ZNF385D: variants seen among roughly 807,000 people sequenced by gnomAD.
The protein encoded by ZNF385D is zinc finger protein 385D, also known as zinc finger protein 659.
Under a neutral mutation model 35.8 loss-of-function variants are expected in ZNF385D, and 15 were observed. The observed-to-expected ratio is 0.42, with a 90% confidence interval of 0.28 to 0.64. The LOEUF is 0.64. ZNF385D is among the 30% of genes least tolerant of loss of function. ZNF385D has a pLI of 0.23. For synonymous variants in ZNF385D, 212 were observed against 186.8 expected, an observed-to-expected ratio of 1.13 and a Z score of -1.10; for missense variants, 474 against 494.6, an observed-to-expected ratio of 0.96 and a Z score of 0.39.
At chr3:22,308,327 T>A (rs1703347927) in intron 2 of ZNF385D, among the ~76,000 whole-genome samples, 1 of 152,092 alleles carries the variant, frequency 6.6e-6, no homozygotes, top group South Asian at 2.1e-4. Flanking sequence ...AATTTCTTAA[T>A]ATAAATTTCA....
chr3:21,752,599 G>A (rs1224881929), upstream of ZNF385D, among the ~76,000 whole-genome samples: 1 of 151,902 alleles, frequency 6.6e-6, no homozygotes, highest in Non-Finnish European at 1.5e-5. Flanking sequence ...CCTCTCTCAC[G>A]CTAGATTATA....
At chr3:21,928,180 C>G (rs1165672936) in intron 3 of ZNF385D, among the ~76,000 whole-genome samples, 1 of 151,566 alleles carries the variant, frequency 6.6e-6, no homozygotes, top group Non-Finnish European at 1.5e-5. Flanking sequence ...GACTGCACTA[C>G]AGCCTAGGTG....
At chr3:22,274,946 A>G (rs1212601209) in intron 2 of ZNF385D, among the ~76,000 whole-genome samples, 1 of 152,074 alleles carries the variant, frequency 6.6e-6, no homozygotes, top group African/African-American at 2.4e-5. Flanking sequence ...GCATATCTGA[A>G]TTTGATTGGG....
intron 2 of ZNF385D, among the ~76,000 whole-genome samples, chr3:21,611,296 T>C (rs2064669946): frequency 6.6e-6 from 1 of 152,140 alleles, no homozygotes; most frequent in Non-Finnish European, 1.5e-5. Flanking sequence ...ATTTCCCATT[T>C]TGCAGATGAG....
chr3:21,892,433 A>G (rs996182485), intron 3 of ZNF385D, among the ~76,000 whole-genome samples: 7 of 152,162 alleles, frequency 4.6e-5, no homozygotes, highest in African/African-American at 1.7e-4. Flanking sequence ...GTGTGCTCTT[A>G]CCCTTAACTC....
At chr3:21,815,431 C>T (rs1386804425) in intron 3 of ZNF385D, among the ~76,000 whole-genome samples, 1 of 152,000 alleles carries the variant, frequency 6.6e-6, no homozygotes, top group Non-Finnish European at 1.5e-5. Context: ...AGTGATAGAC[C>T]ACTAGCAAGA....
rs972758490 is a variant in ZNF385D at position 22,166,793 on chromosome 3, TG to T, written c.325+2023del. Among the ~76,000 whole-genome samples, 136 of 152,366 alleles carry T rather than the reference TG, an allele frequency of 8.9e-4. 1 individual carries two copies. The highest frequency in any genetic ancestry group is 3.1e-3 in the African/African-American group (129 of 41,596). On this transcript the variant is annotated intron_variant, in intron 3 of 5. Coordinates refer to the ZNF385D transcript ENST00000494108. ...CAAGATGTATCTTTTGTTCTAGTTT[TG>T]TTCTATAATGTTGTTTATTACTTCT...
At chr3:22,293,258 G>A (rs988619627) in intron 2 of ZNF385D, among the ~76,000 whole-genome samples, 1 of 152,060 alleles carries the variant, frequency 6.6e-6, no homozygotes, top group African/African-American at 2.4e-5. Flanking sequence ...GCAACCAGGA[G>A]TCAGAAATAT....
intron 3 of ZNF385D, among the ~76,000 whole-genome samples, chr3:21,559,133 G>T (rs1307061722): frequency 6.6e-6 from 1 of 152,022 alleles, no homozygotes; most frequent in Non-Finnish European, 1.5e-5. Context: ...TTGCCAGTCT[G>T]TGTCTTTTAA....
intron 3 of ZNF385D, among the ~76,000 whole-genome samples, chr3:22,130,476 T>A (rs1703713546): frequency 6.6e-6 from 1 of 152,178 alleles, no homozygotes; most frequent in Non-Finnish European, 1.5e-5. Context: ...CCAGTTCTGA[T>A]AACTGGGACG....
intron 3 of ZNF385D, among the ~76,000 whole-genome samples, chr3:21,955,680 T>A (rs892592919): frequency 2.6e-5 from 4 of 152,152 alleles, no homozygotes; most frequent in African/African-American, 9.7e-5. Flanking sequence ...GCCTGACCAT[T>A]TAATTAACCC....
intron 2 of ZNF385D, among the ~76,000 whole-genome samples, chr3:22,237,845 C>A (rs1021928202): frequency 1.4e-5 from 2 of 142,674 alleles, no homozygotes; most frequent in Admixed American, 1.4e-4. Context: ...GGTTTCACCA[C>A]ATTCGCCATG....
At chr3:21,532,653 CATAAT>C (rs774891854) in intron 3 of ZNF385D, among the ~76,000 whole-genome samples, 2 of 147,208 alleles carry the variant, frequency 1.4e-5, no homozygotes, top group Admixed American at 6.9e-5. Context: ...TTCACTTGTC[CATAAT>C]ATAATATGCT....
At chr3:21,540,277 T>C (rs60359281) in intron 3 of ZNF385D, among the ~76,000 whole-genome samples, 1,766 of 152,332 alleles carry the variant, frequency 0.012, 31 homozygotes, top group African/African-American at 0.04. Flanking sequence ...GAATATTTTA[T>C]ATGAGAGAGA....
intron 2 of ZNF385D, chr3:22,372,352 G>C (rs1324587306): frequency 1.3e-6 from 1 of 784,506 alleles, no homozygotes; most frequent in African/African-American, 1.9e-5. Context: ...AGCCCCTCGC[G>C]CCTGGTATCC....
intron 3 of ZNF385D, among the ~76,000 whole-genome samples, chr3:22,142,637 A>G (rs1048383054): frequency 1.3e-5 from 2 of 152,204 alleles, no homozygotes; most frequent in South Asian, 4.2e-4. Flanking sequence ...TATAGACTAG[A>G]TCAATCCAAG....
rs150147499 is a variant in ZNF385D, at chr3:21,922,360, G to A, written c.325+246457C>T. ...TCATAAGCAAAAAAGAATAAAGCTAGAGGCATCACATTGCCCAAATTCAAA... is the reference window on the plus strand; with the variant it reads ...TCATAAGCAAAAAAGAATAAAGCTAAAGGCATCACATTGCCCAAATTCAAA... On this transcript the variant is annotated intron_variant, in intron 3 of 5. Transcript: ENST00000494108. 4.2e-3 allele frequency among the ~76,000 whole-genome samples: 635 copies of A among 152,242 alleles called. 5 individuals are homozygous for A. Among genetic ancestry groups the A allele is most frequent in the African/African-American group, 0.015 (609 of 41,556 alleles).
At chr3:22,295,693 G>T (rs1342926210) in intron 2 of ZNF385D, among the ~76,000 whole-genome samples, 15 of 152,050 alleles carry the variant, frequency 9.9e-5, no homozygotes, top group Non-Finnish European at 1.6e-4. Context: ...GCCCCCTTTT[G>T]ATTACTTTAT....
chr3:21,579,538 T>G (rs1448986788), intron 2 of ZNF385D: 1 of 152,168 alleles, frequency 6.6e-6, no homozygotes, highest in East Asian at 1.9e-4. Context: ...TACTTATTTT[T>G]TATGTCCAGG....
Sources: allele counts gnomAD v4.1 joint callset (sites outside exome capture counted in the v4.1 genomes callset), GRCh38; gene constraint gnomAD v4.1.1; transcripts MANE v1.5; gene names NCBI Gene and HGNC (gene_info 2026-07-23, HGNC 2026-07-21).